The following SPECC1L variants were observed in gnomAD, a reference collection of about 807,000 sequenced individuals.
The protein encoded by SPECC1L is sperm antigen with calponin homology and coiled-coil domains 1 like.
SPECC1L carries 40 observed loss-of-function variants against 116.8 expected under a neutral mutation model. The observed-to-expected ratio is 0.34, with a 90% CI of 0.27 to 0.45. The LOEUF (loss-of-function observed/expected upper bound fraction) is 0.45, where lower values mean the gene tolerates loss of function less well. SPECC1L is among the 20% of genes least tolerant of loss of function. SPECC1L has a pLI of 1.00. For synonymous variants in SPECC1L, 504 were observed against 500.6 expected (o/e 1.01, Z -0.09); for missense variants, 1,110 against 1,373.6 (o/e 0.81, Z 3.03).
At chr22:24,318,513 A>G (rs922600498) in intron 4 of SPECC1L, among the ~76,000 whole-genome samples, 6 of 152,006 alleles carry the variant, frequency 3.9e-5, no homozygotes, top group African/African-American at 7.3e-5. Context: ...AGACCGTGGA[A>G]AGAGGGGAGA....
rs771687472 is a variant in SPECC1L, at chr22:24,322,488, G to A, written c.1508G>A (p.Arg503His). The change falls in exon 5 of 17, where the codon CGT (arginine) becomes CAT (histidine). Residue 503 changes from arginine (R) to histidine (H), a missense_variant. Coordinates refer to ENST00000314328, the MANE Select transcript of SPECC1L (RefSeq NM_015330.6). ...QRYMDLAENA[R>H]FEREQLLGVQ... is the part of the protein sequence containing the mutation. ...TACATGGACCTCGCTGAGAATGCCC[G>A]TTTTGAACGGGAGCAGCTTCTTGGT... 5.6e-6 allele frequency: 9 copies of A among 1,614,160 alleles called. No homozygotes were observed. The highest frequency in any genetic ancestry group is 3.3e-5 in the Admixed American group (2 of 60,024).
At chr22:24,280,597 T>C (rs867538533) in intron 2 of SPECC1L, among the ~76,000 whole-genome samples, 60 of 150,772 alleles carry the variant, frequency 4.0e-4, no homozygotes, top group African/African-American at 1.4e-3. Flanking sequence ...TTTTTTTTTT[T>C]GAGACAGTGT....
intron 10 of SPECC1L, among the ~76,000 whole-genome samples, chr22:24,345,215 A>C (rs2041266215): frequency 6.6e-6 from 1 of 152,202 alleles, no homozygotes; most frequent in African/African-American, 2.4e-5. Flanking sequence ...ATCGGTAAGG[A>C]ATAGTTTTTT....
In SPECC1L at chr22:24,355,198, A is replaced by G. The variant is rs549239244; in HGVS notation, c.2743+8022A>G. Among the ~76,000 whole-genome samples, 5 of 147,548 alleles carry G rather than the reference A, an allele frequency of 3.4e-5. No homozygotes were observed. In the South Asian group the frequency reaches 1.1e-3, roughly 32 times the overall value. ...CTCAGGAGGCTGAGGCATGAGAATTACTTGAACCTGGGAGGCAGAGGTTGC... is the reference window on the plus strand; with the variant it reads ...CTCAGGAGGCTGAGGCATGAGAATTGCTTGAACCTGGGAGGCAGAGGTTGC... On this transcript the variant is annotated intron_variant, in intron 11 of 16. Coordinates refer to ENST00000314328, the MANE Select transcript of SPECC1L (RefSeq NM_015330.6).
intron 3 of SPECC1L, among the ~76,000 whole-genome samples, chr22:24,303,677 C>T (rs368979924): frequency 1.3e-5 from 2 of 152,116 alleles, no homozygotes; most frequent in Admixed American, 1.3e-4. Flanking sequence ...GGAATGTGCA[C>T]TGAGCAGGCA....
At chr22:24,409,365 G>T (rs541397447) in intron 14 of SPECC1L, among the ~76,000 whole-genome samples, 23 of 152,308 alleles carry the variant, frequency 1.5e-4, no homozygotes, top group African/African-American at 5.5e-4. Context: ...AGGTGTTCTT[G>T]TTCAGCTTGT....
chr22:24,317,416 T>C (rs1187988444), intron 4 of SPECC1L, among the ~76,000 whole-genome samples: 4 of 78,532 alleles, frequency 5.1e-5, no homozygotes, highest in African/African-American at 9.0e-5. Context: ...ACCTCCCAGA[T>C]GGGGCGCTGG....
At chr22:24,303,497 G>A (rs1192468604) in intron 3 of SPECC1L, among the ~76,000 whole-genome samples, 1 of 152,168 alleles carries the variant, frequency 6.6e-6, no homozygotes, top group Non-Finnish European at 1.5e-5. Flanking sequence ...GACCTAACTG[G>A]TTATTCAGTT....
chr22:24,410,878 A>G (rs1025116505), intron 14 of SPECC1L, among the ~76,000 whole-genome samples: 2 of 152,192 alleles, frequency 1.3e-5, no homozygotes, highest in Non-Finnish European at 2.9e-5. Flanking sequence ...GCATTTTAAT[A>G]CATGGTGCTT....
In SPECC1L at chr22:24,271,150, C is replaced by T. The variant is rs556086166; in HGVS notation, c.-142+167C>T. On this transcript the variant is annotated intron_variant, in intron 1 of 16. Coordinates refer to ENST00000314328, the MANE Select transcript of SPECC1L (RefSeq NM_015330.6). Reference sequence around the variant, plus strand: ...CAGTGTGTCCCGCGCCTGCGCCTTTCCCTTCCCGCGCCGTCCTCGTTCTGG... The same window carrying T: ...CAGTGTGTCCCGCGCCTGCGCCTTTTCCTTCCCGCGCCGTCCTCGTTCTGG... 1.2e-4 allele frequency among the ~76,000 whole-genome samples: 18 copies of T among 152,372 alleles called. No homozygotes were observed. The East Asian group carries it at 3.3e-3, about 28-fold the overall frequency.
In SPECC1L at chr22:24,322,868, C is replaced by A. The variant is rs549201798; in HGVS notation, c.1888C>A (p.Leu630Met). Reference sequence around the variant, plus strand: ...TTTGGCTAGTAGCTTGCAGGAAGATCTGGCTCATACCCGAAATGATGCCAA... The same window carrying A: ...TTTGGCTAGTAGCTTGCAGGAAGATATGGCTCATACCCGAAATGATGCCAA... ...ETLASSLQED[L>M]AHTRNDANRL... The change falls in exon 5 of 17, where the codon CTG becomes ATG. Residue 630 changes from leucine (L) to methionine (M), a missense_variant. This residue lies in a region of SPECC1L where 575 missense variants were observed against 682.4 expected (regional missense o/e 0.84). Transcript: ENST00000314328. 6.2e-7 allele frequency: 1 copy of A among 1,613,736 alleles called. No homozygotes were observed. Among genetic ancestry groups the A allele is most frequent in the Non-Finnish European group, 8.5e-7 (1 of 1,179,796 alleles).
intron 14 of SPECC1L, among the ~76,000 whole-genome samples, chr22:24,411,208 A>C (rs5760398): frequency 7.9e-6 from 1 of 127,084 alleles, no homozygotes; most frequent in African/African-American, 2.5e-5. Context: ...ACCAAAAAAA[A>C]CAAAAAACAA....
intron 11 of SPECC1L, among the ~76,000 whole-genome samples, chr22:24,348,796 G>A (rs889259474): frequency 6.6e-6 from 1 of 152,142 alleles, no homozygotes; most frequent in Admixed American, 6.5e-5. Flanking sequence ...TAAATTGATA[G>A]TGAACACCTA....
intron 2 of SPECC1L, among the ~76,000 whole-genome samples, chr22:24,277,816 A>T (rs9612601): frequency 1.1e-4 from 16 of 151,926 alleles, no homozygotes; most frequent in African/African-American, 3.1e-4. Context: ...TGGGCTATTA[A>T]GAATAATGCT....
chr22:24,332,950 C>T (rs190658972), intron 8 of SPECC1L, among the ~76,000 whole-genome samples: 58 of 152,188 alleles, frequency 3.8e-4, no homozygotes, highest in South Asian at 1.5e-3. Flanking sequence ...TCTAATCAGC[C>T]GGGCGCAGTG....
At chr22:24,289,659 T>C (rs570382625) in intron 2 of SPECC1L, among the ~76,000 whole-genome samples, 2 of 152,250 alleles carry the variant, frequency 1.3e-5, no homozygotes, top group South Asian at 2.1e-4. Flanking sequence ...TTGTGCTGTT[T>C]AGTGGCCATT....
intron 14 of SPECC1L, among the ~76,000 whole-genome samples, chr22:24,404,502 C>A (rs900300648): frequency 2.6e-5 from 4 of 152,198 alleles, no homozygotes; most frequent in African/African-American, 9.7e-5. Context: ...AGCCAAGGCC[C>A]ATCCGGAGCA....
chr22:24,285,348 A>G (rs2049020372), intron 2 of SPECC1L, among the ~76,000 whole-genome samples: 1 of 152,158 alleles, frequency 6.6e-6, no homozygotes, highest in Non-Finnish European at 1.5e-5. Context: ...ACATCGTTTG[A>G]TGTGGTTCTT....
intron 2 of SPECC1L, among the ~76,000 whole-genome samples, chr22:24,292,688 T>C (rs4049954): frequency 0.032 from 4,848 of 151,206 alleles, 159 homozygotes; most frequent in African/African-American, 0.078. Context: ...TACCATTGCT[T>C]TGTCCTATGT....
Sources: gnomAD v4.1 joint callset for allele counts (sites outside exome capture counted in the v4.1 genomes callset) on GRCh38, gnomAD v4.1.1 for gene constraint, gnomAD v4.1.1 regional missense constraint, MANE v1.5 for transcripts, NCBI Gene and HGNC (gene_info 2026-07-23, HGNC 2026-07-21) for gene names.